SPATA16: variants seen among roughly 807,000 people sequenced by gnomAD.
The protein encoded by SPATA16 is spermatogenesis associated 16, also known as spermatogenesis-associated protein 16.
SPATA16 carries 36 observed loss-of-function variants against 63.3 expected under a neutral mutation model. The ratio of observed to expected loss-of-function variants is 0.57; its 90% CI spans 0.44 to 0.75. The LOEUF (loss-of-function observed/expected upper bound fraction) is 0.75. Ranked by LOEUF, SPATA16 falls within the 30% of genes least tolerant of loss-of-function variation. SPATA16 has a pLI of 0.00. For missense variants in SPATA16, 646 were observed against 679.3 expected (o/e 0.95, Z 0.54); for synonymous variants, 203 against 216.7 (o/e 0.94, Z 0.56).
intron 2 of SPATA16, among the ~76,000 whole-genome samples, chr3:173,080,632 T>C (rs1736902143): frequency 6.6e-6 from 1 of 152,170 alleles, no homozygotes; most frequent in Admixed American, 6.5e-5. Context: ...AAAATTATAT[T>C]TGATGACTAA....
intron 2 of SPATA16, among the ~76,000 whole-genome samples, chr3:173,065,805 G>A (rs1736505536): frequency 6.6e-6 from 1 of 152,148 alleles, no homozygotes; most frequent in Non-Finnish European, 1.5e-5. Context: ...ATCAGCCCTG[G>A]GCCAGAGGGG....
chr3:173,038,315 T>C (rs1209205234), intron 3 of SPATA16, among the ~76,000 whole-genome samples: 3 of 151,978 alleles, frequency 2.0e-5, no homozygotes, highest in Admixed American at 6.6e-5. Context: ...CAACAAAACA[T>C]TGAGGGAAGT....
chr3:172,925,552 T>G, intron 6 of SPATA16, 60 bp from the exon 7 acceptor site: 2 of 1,607,676 alleles, frequency 1.2e-6, no homozygotes, highest in Non-Finnish European at 1.7e-6. Flanking sequence ...TTTTTAGGGT[T>G]TTCCCCCCCA....
In SPATA16 at chr3:173,044,346, A is replaced by G. The variant is rs182210236; in HGVS notation, c.758+4603T>C. Among the ~76,000 whole-genome samples the G allele has an allele frequency of 3.3e-3, 497 of 152,260 alleles. 4 individuals carry two copies. Among genetic ancestry groups the G allele is most frequent in the African/African-American group, 0.011 (478 of 41,570 alleles). On this transcript the variant is annotated intron_variant, in intron 3 of 10. Transcript: ENST00000351008. ...CTATCGATTTGTCTTCAACTTCACT[A>G]GTCCTTTCTTTAGCATTCTCCAAAC...
intron 10 of SPATA16, among the ~76,000 whole-genome samples, chr3:172,900,100 A>C (rs1012224788): frequency 4.6e-5 from 7 of 151,952 alleles, no homozygotes; most frequent in African/African-American, 1.7e-4. Context: ...TTCTTAAGCT[A>C]TTCTTTTTGG....
chr3:172,975,490 C>T (rs1734135378), intron 5 of SPATA16, among the ~76,000 whole-genome samples: 3 of 151,774 alleles, frequency 2.0e-5, no homozygotes, highest in African/African-American at 7.3e-5. Context: ...TTTATAAAAG[C>T]CTCTGAAATC....
In SPATA16 at chr3:173,117,521, C is replaced by T. The variant is rs1356273942; in HGVS notation, c.211G>A (p.Glu71Lys). 1 of 1,613,918 alleles carries T rather than the reference C, an allele frequency of 6.2e-7. No homozygotes were observed. The highest frequency in any genetic ancestry group is 1.3e-5 in the African/African-American group (1 of 74,914). ...TTCTCTAAATCATTGCTTTGTTTTT[C>T]TTTGATGCCCTTTGTCATTTTTGTT... Reference protein sequence around the residue: ...ERTKMTKGIKEKQSNDLEKAA... With the variant: ...ERTKMTKGIKKKQSNDLEKAA... The change falls in exon 2 of 11, where the codon GAA becomes AAA. Residue 71 changes from glutamate to lysine, a missense_variant. By Grantham distance (56) the Glu-to-Lys change is moderately conservative. Transcript: ENST00000351008.
intron 10 of SPATA16, among the ~76,000 whole-genome samples, chr3:172,903,704 G>A (rs1190430125): frequency 6.6e-6 from 1 of 152,200 alleles, no homozygotes; most frequent in Non-Finnish European, 1.5e-5. Context: ...AAAATAGTGA[G>A]CTATCAAAGC....
intron 2 of SPATA16, among the ~76,000 whole-genome samples, chr3:173,051,421 C>T (rs749989980): frequency 2.4e-4 from 37 of 152,134 alleles, no homozygotes; most frequent in Admixed American, 4.6e-4. Flanking sequence ...CCAGGATGAC[C>T]TCGGTCTTCT....
intron 6 of SPATA16, among the ~76,000 whole-genome samples, chr3:172,943,867 A>C (rs538903522): frequency 3.3e-5 from 5 of 152,336 alleles, no homozygotes; most frequent in African/African-American, 1.2e-4. Flanking sequence ...AATCAATAAT[A>C]AAACTATTCA....
In SPATA16 at chr3:172,966,225, T is replaced by G. The variant is rs551291558; in HGVS notation, c.934-9401A>C. On this transcript the variant is annotated intron_variant, in intron 5 of 10. Coordinates refer to ENST00000351008, the MANE Select transcript of SPATA16 (RefSeq NM_031955.6). ...GATAAAGTGCTAACTTCAAGAGACC[T>G]GCCACTATACTACCAAGTTCTCTGT... Among the ~76,000 whole-genome samples the G allele has an allele frequency of 7.2e-5, 11 of 152,372 alleles. No individual in the cohort carries two copies. The South Asian group carries it at 2.3e-3, about 32-fold the overall frequency.
At chr3:172,896,747 G>C (rs1340190945) in intron 10 of SPATA16, among the ~76,000 whole-genome samples, 3 of 151,738 alleles carry the variant, frequency 2.0e-5, no homozygotes, top group Non-Finnish European at 4.4e-5. Flanking sequence ...ATTCACTCTG[G>C]TAAATGTCTG....
chr3:173,060,907 A>G (rs1013433849), intron 2 of SPATA16, among the ~76,000 whole-genome samples: 1 of 152,048 alleles, frequency 6.6e-6, no homozygotes, highest in Admixed American at 6.5e-5. Context: ...CATTTTTTTC[A>G]CTATGTAGCA....
At chr3:172,924,360 C>T (rs759346938) in intron 7 of SPATA16, 43 bp from the exon 8 acceptor site, 79 of 1,454,852 alleles carry the variant, frequency 5.4e-5, no homozygotes, top group Non-Finnish European at 7.1e-5. Context: ...TTTCTCCAGA[C>T]TTCCATTTCA....
chr3:173,134,386 G>A (rs1738475235), intron 1 of SPATA16, among the ~76,000 whole-genome samples: 1 of 152,054 alleles, frequency 6.6e-6, no homozygotes, highest in Non-Finnish European at 1.5e-5. Context: ...CTACTCAAGA[G>A]GCTGAGGCAG....
At chr3:173,129,685 T>C (rs889198319) in intron 1 of SPATA16, among the ~76,000 whole-genome samples, 2 of 152,180 alleles carry the variant, frequency 1.3e-5, no homozygotes, top group Non-Finnish European at 2.9e-5. Flanking sequence ...CACATCTGTA[T>C]AATTTTTCTT....
intron 5 of SPATA16, among the ~76,000 whole-genome samples, chr3:172,958,923 C>T (rs1330637463): frequency 1.3e-5 from 2 of 152,206 alleles, no homozygotes; most frequent in African/African-American, 4.8e-5. Context: ...TGAGTGTGGG[C>T]TAATGGAATG....
chr3:173,019,171 A>C (rs536089757), intron 4 of SPATA16, among the ~76,000 whole-genome samples: 1 of 152,194 alleles, frequency 6.6e-6, no homozygotes, highest in Non-Finnish European at 1.5e-5. Flanking sequence ...GAAATGTGTC[A>C]TTACAATGTG....
intron 3 of SPATA16, among the ~76,000 whole-genome samples, chr3:173,039,777 G>T (rs1341856967): frequency 6.6e-6 from 1 of 152,020 alleles, no homozygotes; most frequent in Non-Finnish European, 1.5e-5. Flanking sequence ...GCTGTGGGAG[G>T]CATGGCAAAG....
Sources: gnomAD v4.1 joint callset for allele counts (sites outside exome capture counted in the v4.1 genomes callset) on GRCh38, gnomAD v4.1.1 for gene constraint, MANE v1.5 for transcripts, NCBI Gene and HGNC (gene_info 2026-07-23, HGNC 2026-07-21) for gene names.